POLA1: variants seen among roughly 807,000 people sequenced by gnomAD.
POLA1 encodes the protein DNA polymerase alpha 1, catalytic subunit, also known as DNA polymerase alpha catalytic subunit.
A neutral mutation model predicts 124.0 loss-of-function variants in POLA1; 15 were observed. The observed-to-expected ratio is 0.12, with a 90% CI of 0.08 to 0.19. The LOEUF (loss-of-function observed/expected upper bound fraction) is 0.19. Among genes scored for constraint, POLA1 ranks in the 10% least tolerant of loss-of-function variants. The probability of loss-of-function intolerance (pLI) is 1.00; values close to 1 mark genes in which losing one functional copy is unlikely to be tolerated. For missense variants in POLA1, 886 were observed against 1,103.4 expected (o/e 0.80, Z 2.79); for synonymous variants, 408 against 389.4 (o/e 1.05, Z -0.56).
rs778776585 is a variant in POLA1 at position 24,715,132 on chromosome X, C to T, written c.463-9C>T. The stretch of plus-strand genomic sequence containing the variant: ...GCTTTCTCATGTTACCTTTCTTTAT[C>T]ATTTCCAGAAAGCTGTAGACTTGTC... On this transcript the variant is annotated splice_polypyrimidine_tract_variant and intron_variant, in intron 5 of 36. Transcript: ENST00000379068. The T allele has an allele frequency of 1.9e-5, 22 of 1,152,954 alleles. No individual in the cohort carries two copies. The South Asian group carries it at 3.6e-4, about 19-fold the overall frequency.
chrX:24,956,695 G>A (rs7060079), intron 36 of POLA1, among the ~76,000 whole-genome samples: 4,464 of 111,578 alleles, frequency 0.04, 220 homozygotes, highest in African/African-American at 0.14. Context: ...TAGATGCAGG[G>A]CATAGTTTAG....
At chrX:24,796,533 A>T in intron 26 of POLA1, among the ~76,000 whole-genome samples, 1 of 110,283 alleles carries the variant, frequency 9.1e-6, no homozygotes, top group Non-Finnish European at 1.9e-5. Context: ...AATCAGGAGA[A>T]CCATGGAGCA....
chrX:24,749,953 C>A (rs1932233073), intron 26 of POLA1, among the ~76,000 whole-genome samples: 1 of 111,722 alleles, frequency 9.0e-6, no homozygotes, highest in African/African-American at 3.3e-5. Flanking sequence ...GACTATTTAG[C>A]CTTAAAGGAG....
chrX:24,836,821 T>C (rs2046347429), intron 32 of POLA1, among the ~76,000 whole-genome samples: 1 of 112,236 alleles, frequency 8.9e-6, no homozygotes, highest in South Asian at 3.7e-4. Context: ...TTTCGGATTT[T>C]GTAATATTTG....
intron 36 of POLA1, among the ~76,000 whole-genome samples, chrX:24,962,302 A>G (rs917136768): frequency 2.7e-5 from 3 of 111,800 alleles, no homozygotes; most frequent in African/African-American, 9.7e-5. Flanking sequence ...TACTAATTAC[A>G]GTAAATTATA....
At chrX:24,975,203 G>A (rs182980777) in intron 36 of POLA1, among the ~76,000 whole-genome samples, 1 of 112,006 alleles carries the variant, frequency 8.9e-6, no homozygotes, top group African/African-American at 3.2e-5. Context: ...GTAGAGATGG[G>A]TTTTCACCAT....
intron 17 of POLA1, among the ~76,000 whole-genome samples, chrX:24,734,639 C>T (rs760494313): frequency 2.6e-4 from 29 of 110,975 alleles, no homozygotes; most frequent in Non-Finnish European, 5.3e-4. Context: ...TTTTTTGAGA[C>T]GGAGTCCCGC....
At chrX:24,740,782 A>C (rs369779990) in intron 20 of POLA1, among the ~76,000 whole-genome samples, 99 of 111,129 alleles carry the variant, frequency 8.9e-4, no homozygotes, top group African/African-American at 3.1e-3. Context: ...TTGCTCCCTC[A>C]CCTCTTCAAG....
intron 35 of POLA1, among the ~76,000 whole-genome samples, chrX:24,926,677 G>T (rs1421082435): frequency 9.0e-6 from 1 of 111,359 alleles, no homozygotes; most frequent in Non-Finnish European, 1.9e-5. Context: ...AGAGTCTATG[G>T]TTCTAAAAGT....
chrX:24,974,591 G>A (rs1388732572), intron 36 of POLA1, among the ~76,000 whole-genome samples: 2 of 107,363 alleles, frequency 1.9e-5, no homozygotes, highest in African/African-American at 6.8e-5. Flanking sequence ...CTCATAAGTG[G>A]GAGTTGAACA....
chrX:24,761,788 G>A (rs1932799979), intron 26 of POLA1, among the ~76,000 whole-genome samples: 1 of 112,224 alleles, frequency 8.9e-6, no homozygotes, highest in African/African-American at 3.2e-5. Context: ...AATTCTTCAA[G>A]TGATATTTGC....
intron 26 of POLA1, among the ~76,000 whole-genome samples, chrX:24,796,720 A>G (rs1308130472): frequency 9.0e-6 from 1 of 111,052 alleles, no homozygotes; most frequent in Non-Finnish European, 1.9e-5. Flanking sequence ...TTAAGCGTTG[A>G]ATTTCTTGTA....
intron 34 of POLA1, among the ~76,000 whole-genome samples, chrX:24,870,626 GTT>G (rs776968128): frequency 2.0e-4 from 22 of 111,588 alleles, no homozygotes; most frequent in African/African-American, 6.2e-4. Context: ...AAATTCTTTA[GTT>G]TTATTATATA....
At chrX:24,859,571 A>T (rs1381066160) in intron 34 of POLA1, among the ~76,000 whole-genome samples, 1 of 112,440 alleles carries the variant, frequency 8.9e-6, no homozygotes, top group Non-Finnish European at 1.9e-5. Context: ...GCATGCTCTC[A>T]TAACCTTTTG....
intron 34 of POLA1, among the ~76,000 whole-genome samples, chrX:24,880,391 G>A (rs2046988068): frequency 8.9e-6 from 1 of 111,961 alleles, no homozygotes; most frequent in East Asian, 2.8e-4. Context: ...TGATAATTTT[G>A]TTCAAAATAT....
At chrX:24,806,705 C>T (rs2045807769) in intron 26 of POLA1, among the ~76,000 whole-genome samples, 1 of 111,895 alleles carries the variant, frequency 8.9e-6, no homozygotes, top group Admixed American at 9.5e-5. Context: ...AACATAACAA[C>T]CTTTGACCCA....
At chrX:24,704,963 G>C (rs1928700561) in intron 4 of POLA1, among the ~76,000 whole-genome samples, 1 of 111,307 alleles carries the variant, frequency 9.0e-6, no homozygotes, top group South Asian at 3.7e-4. Flanking sequence ...TTTTTTTTGA[G>C]TAAACAATCC....
At chrX:24,723,378 T>G (rs1444600629) in intron 11 of POLA1, 111 bp downstream of exon 11, 1 of 492,144 alleles carries the variant, frequency 2.0e-6, no homozygotes, top group Non-Finnish European at 3.6e-6. Context: ...TCTACAATCC[T>G]GATGCTTCTT....
chrX:24,881,554 T>A (rs2047000806), intron 34 of POLA1, among the ~76,000 whole-genome samples: 1 of 111,771 alleles, frequency 8.9e-6, no homozygotes, highest in African/African-American at 3.3e-5. Flanking sequence ...ACCTCAATTC[T>A]GTATTCTTCG....
Sources: allele counts gnomAD v4.1 joint callset (sites outside exome capture counted in the v4.1 genomes callset), GRCh38; gene constraint gnomAD v4.1.1; transcripts MANE v1.5; gene names NCBI Gene and HGNC (gene_info 2026-07-23, HGNC 2026-07-21).